The following C12orf42 variants were observed in gnomAD, a reference collection of about 807,000 sequenced individuals.
C12orf42 encodes the protein uncharacterized protein C12orf42.
A neutral mutation model predicts 21.6 loss-of-function variants in C12orf42; 25 were observed. The ratio of observed to expected loss-of-function variants is 1.16; its 90% CI spans 0.84 to 1.62. C12orf42 has a LOEUF of 1.62. C12orf42 is among the 40% of genes most tolerant of loss of function. The pLI, the probability that C12orf42 is intolerant of heterozygous loss-of-function variation, is 0.00. For missense variants in C12orf42, 483 were observed against 459.3 expected (o/e 1.05, Z -0.47); for synonymous variants, 174 against 175.0 (o/e 0.99, Z 0.05).
At chr12:103,299,310 G>T (rs2136432779), downstream of C12orf42, among the ~76,000 whole-genome samples, 1 of 151,706 alleles carries the variant, frequency 6.6e-6, no homozygotes, top group South Asian at 2.1e-4. Context: ...CGTTAAACAG[G>T]ACAGTCTCTA....
At chr12:103,355,424 T>A (rs372618560) in intron 4 of C12orf42, among the ~76,000 whole-genome samples, 3 of 152,256 alleles carry the variant, frequency 2.0e-5, no homozygotes, top group Admixed American at 1.3e-4. Flanking sequence ...AAGTCAGATG[T>A]CATACATTTT....
chr12:103,220,971 G>A, the C12orf42 span, among the ~76,000 whole-genome samples: 2 of 152,158 alleles, frequency 1.3e-5, no homozygotes, highest in Non-Finnish European at 2.9e-5. Flanking sequence ...TCTCTCTGTT[G>A]CTCCAAAGGT....
intron 3 of C12orf42, among the ~76,000 whole-genome samples, chr12:103,398,956 AG>A (rs2047758946): frequency 6.6e-6 from 1 of 152,144 alleles, no homozygotes; most frequent in African/African-American, 2.4e-5. Context: ...TTTAACTTAT[AG>A]GATCAGTCTT....
chr12:103,131,015 A>G, the C12orf42 span, among the ~76,000 whole-genome samples: 1 of 152,364 alleles, frequency 6.6e-6, no homozygotes. Context: ...GACAATTCTC[A>G]GCTGATTCTG....
intron 2 of C12orf42, among the ~76,000 whole-genome samples, chr12:103,410,510 G>C (rs1378061504): frequency 6.6e-6 from 1 of 152,178 alleles, no homozygotes; most frequent in Non-Finnish European, 1.5e-5. Context: ...GATGCTTCCA[G>C]GTTTCATAAG....
intron 2 of C12orf42, among the ~76,000 whole-genome samples, chr12:103,434,783 C>A (rs1274382193): frequency 6.6e-6 from 1 of 152,190 alleles, no homozygotes; most frequent in Non-Finnish European, 1.5e-5. Context: ...GCTAGCACAG[C>A]AGTCTGAGAT....
At chr12:103,049,920 C>T in the C12orf42 span, among the ~76,000 whole-genome samples, 2 of 152,164 alleles carry the variant, frequency 1.3e-5, no homozygotes, top group Admixed American at 6.5e-5. Flanking sequence ...TATCCTCTAC[C>T]TCCTTCTCTG....
chr12:103,136,253 A>G, the C12orf42 span, among the ~76,000 whole-genome samples: 1 of 152,202 alleles, frequency 6.6e-6, no homozygotes, highest in Non-Finnish European at 1.5e-5. Flanking sequence ...CACCAATAAC[A>G]AACTAGCTGA....
the C12orf42 span, among the ~76,000 whole-genome samples, chr12:103,539,708 T>A: frequency 6.8e-3 from 1,034 of 151,762 alleles, 11 homozygotes; most frequent in Middle Eastern, 0.048. Context: ...GCCTCCTGAG[T>A]AGCTGGGATT....
intron 2 of C12orf42, among the ~76,000 whole-genome samples, chr12:103,451,245 G>A (rs886506197): frequency 1.3e-5 from 2 of 150,838 alleles, no homozygotes; most frequent in South Asian, 4.2e-4. Context: ...TTATTTATTT[G>A]AGACAGGGTC....
chr12:103,198,058 C>A, the C12orf42 span, among the ~76,000 whole-genome samples: 1 of 152,190 alleles, frequency 6.6e-6, no homozygotes, highest in Non-Finnish European at 1.5e-5. Context: ...GTGCTGCCAG[C>A]AGTAGAGTAG....
the C12orf42 span, among the ~76,000 whole-genome samples, chr12:103,074,746 GT>G: frequency 6.6e-6 from 1 of 152,120 alleles, no homozygotes; most frequent in Non-Finnish European, 1.5e-5. Context: ...TAAGGGGCTG[GT>G]TGCTTTATGG....
the C12orf42 span, among the ~76,000 whole-genome samples, chr12:103,120,035 G>A: frequency 6.6e-6 from 1 of 152,228 alleles, no homozygotes; most frequent in Non-Finnish European, 1.5e-5. Flanking sequence ...TGGCAGGGAA[G>A]TAAAAAGACA....
intron 2 of C12orf42, among the ~76,000 whole-genome samples, chr12:103,460,940 A>G (rs1160288323): frequency 6.6e-6 from 1 of 152,200 alleles, no homozygotes; most frequent in East Asian, 1.9e-4. Flanking sequence ...GCGACTATCC[A>G]TGATCATCTG....
At chr12:103,358,598 T>C (rs191440320) in intron 4 of C12orf42, among the ~76,000 whole-genome samples, 16 of 151,410 alleles carry the variant, frequency 1.1e-4, no homozygotes, top group Admixed American at 9.2e-4. Context: ...CCATCACCCA[T>C]ATTGTTTCAA....
chr12:103,504,873 C>T, the C12orf42 span: 1 of 162,744 alleles, frequency 6.1e-6, no homozygotes, highest in East Asian at 1.8e-4. Flanking sequence ...GTACACATGA[C>T]ATGCGCACCC....
chr12:103,175,850 A>G, the C12orf42 span, among the ~76,000 whole-genome samples: 1 of 152,130 alleles, frequency 6.6e-6, no homozygotes, highest in Non-Finnish European at 1.5e-5. Flanking sequence ...GCCAATTAAT[A>G]AGTACATACT....
At chr12:103,275,537 T>C (rs1285574712) in intron 5 of C12orf42, among the ~76,000 whole-genome samples, 2 of 152,154 alleles carry the variant, frequency 1.3e-5, no homozygotes, top group Admixed American at 6.5e-5. Flanking sequence ...CTTAGATAAA[T>C]TGCTCTATAA....
At chr12:103,421,638 G>A (rs2049920743) in intron 2 of C12orf42, among the ~76,000 whole-genome samples, 2 of 151,730 alleles carry the variant, frequency 1.3e-5, no homozygotes, top group South Asian at 4.2e-4. Flanking sequence ...TGATCAACTA[G>A]TAGCAAATGA....
Sources: allele counts gnomAD v4.1 joint callset (sites outside exome capture counted in the v4.1 genomes callset), GRCh38; gene constraint gnomAD v4.1.1; transcripts MANE v1.5; gene names NCBI Gene and HGNC (gene_info 2026-07-23, HGNC 2026-07-21).